Variants in GPR158 observed in about 807,000 individuals in gnomAD.
GPR158 encodes G protein-coupled receptor 158.
A neutral mutation model predicts 78.2 loss-of-function variants in GPR158; 30 were observed. The observed-to-expected ratio is 0.38, with a 90% CI of 0.29 to 0.52. The LOEUF (loss-of-function observed/expected upper bound fraction) is 0.52, where lower values mean the gene tolerates loss of function less well. GPR158 is among the 20% of genes least tolerant of loss of function. The pLI, the probability that GPR158 is intolerant of heterozygous loss-of-function variation, is 0.83. For missense variants in GPR158, 1,463 were observed against 1,523.5 expected, an observed-to-expected ratio of 0.96 and a Z score of 0.66; for synonymous variants, 581 against 591.1, an observed-to-expected ratio of 0.98 and a Z score of 0.25.
At chr10:25,374,764 A>G (rs1834052467) in intron 2 of GPR158, among the ~76,000 whole-genome samples, 1 of 151,760 alleles carries the variant, frequency 6.6e-6, no homozygotes, top group South Asian at 2.1e-4. Flanking sequence ...GTATTCCATA[A>G]TATGGATGTA....
At chr10:25,539,395 G>A (rs1216734221) in intron 5 of GPR158, among the ~76,000 whole-genome samples, 1 of 152,132 alleles carries the variant, frequency 6.6e-6, no homozygotes, top group Non-Finnish European at 1.5e-5. Flanking sequence ...AATGAGGCCT[G>A]TGGTGTTTTA....
chr10:25,556,282 C>T (rs1836785517), intron 6 of GPR158, among the ~76,000 whole-genome samples: 1 of 152,180 alleles, frequency 6.6e-6, no homozygotes, highest in South Asian at 2.1e-4. Context: ...ACCCAGCACA[C>T]AGGTGGATGC....
intron 2 of GPR158, among the ~76,000 whole-genome samples, chr10:25,360,911 ATTTG>A (rs1159792295): frequency 6.6e-6 from 1 of 151,800 alleles, no homozygotes; most frequent in African/African-American, 2.4e-5. Context: ...AGCTTTTTTC[ATTTG>A]TTTGTGTCCT....
intron 2 of GPR158, among the ~76,000 whole-genome samples, chr10:25,333,564 C>A (rs868350330): frequency 2.6e-5 from 4 of 152,072 alleles, no homozygotes; most frequent in African/African-American, 9.7e-5. Flanking sequence ...ACTGTAATGA[C>A]GCACTTGTCC....
At chr10:25,497,183 T>A (rs549071488) in intron 5 of GPR158, among the ~76,000 whole-genome samples, 1 of 152,302 alleles carries the variant, frequency 6.6e-6, no homozygotes, top group East Asian at 1.9e-4. Context: ...ATTTTGATTG[T>A]ATAACGGAAG....
intron 5 of GPR158, among the ~76,000 whole-genome samples, chr10:25,550,036 G>C (rs895716470): frequency 1.3e-5 from 2 of 152,108 alleles, no homozygotes; most frequent in African/African-American, 4.8e-5. Flanking sequence ...TCTTAGGCAG[G>C]GTCAAACCAA....
chr10:25,302,526 G>T (rs576218573), intron 2 of GPR158, among the ~76,000 whole-genome samples: 1 of 152,048 alleles, frequency 6.6e-6, no homozygotes, highest in Non-Finnish European at 1.5e-5. Context: ...GCTTTTCTAG[G>T]TAGGGTCTAG....
At chr10:25,313,065 A>G (rs1163496286) in intron 2 of GPR158, among the ~76,000 whole-genome samples, 3 of 151,842 alleles carry the variant, frequency 2.0e-5, no homozygotes, top group African/African-American at 7.3e-5. Context: ...TTATTAATAT[A>G]TTTTTCTTCT....
intron 6 of GPR158, among the ~76,000 whole-genome samples, chr10:25,572,224 A>G (rs948048534): frequency 1.6e-4 from 25 of 152,218 alleles, no homozygotes; most frequent in African/African-American, 5.5e-4. Context: ...ATATGAACCT[A>G]TTGACTCAAT....
At chr10:25,466,075 A>G (rs1835417360) in intron 4 of GPR158, 1 of 152,262 alleles carries the variant, frequency 6.6e-6, no homozygotes, top group South Asian at 2.1e-4. Context: ...ATTCTACAGG[A>G]CAGAAAAAGG....
intron 2 of GPR158, among the ~76,000 whole-genome samples, chr10:25,319,934 A>C (rs1173586892): frequency 6.6e-6 from 1 of 152,058 alleles, no homozygotes; most frequent in East Asian, 1.9e-4. Context: ...AGATAGCAAA[A>C]AGGTGGGCCT....
intron 2 of GPR158, among the ~76,000 whole-genome samples, chr10:25,357,598 C>A (rs1215419737): frequency 6.6e-6 from 1 of 152,102 alleles, no homozygotes; most frequent in African/African-American, 2.4e-5. Flanking sequence ...CAAGCCTTGG[C>A]AGTTTCTACG....
intron 4 of GPR158, among the ~76,000 whole-genome samples, chr10:25,419,932 A>G (rs563793268): frequency 1.1e-3 from 168 of 152,274 alleles, no homozygotes; most frequent in African/African-American, 3.9e-3. Context: ...CCATGATTAT[A>G]TTATCATGCA....
intron 4 of GPR158, among the ~76,000 whole-genome samples, chr10:25,414,752 T>C (rs1834636488): frequency 6.6e-6 from 1 of 152,108 alleles, no homozygotes; most frequent in Non-Finnish European, 1.5e-5. Flanking sequence ...TCTTTCGGAG[T>C]TTCCTATTAC....
chr10:25,344,411 T>TG (rs1415537412), intron 2 of GPR158, among the ~76,000 whole-genome samples: 9 of 151,908 alleles, frequency 5.9e-5, no homozygotes, highest in East Asian at 3.9e-4. Flanking sequence ...ACTTAACACT[T>TG]AAAATCTACT....
chr10:25,517,224 A>C (rs897599121), intron 5 of GPR158, among the ~76,000 whole-genome samples: 77 of 149,498 alleles, frequency 5.2e-4, no homozygotes, highest in Non-Finnish European at 7.5e-4. Context: ...TTGATTTTGT[A>C]TCCTGAGACT....
intron 2 of GPR158, among the ~76,000 whole-genome samples, chr10:25,354,744 T>C (rs1040392141): frequency 2.0e-5 from 3 of 152,106 alleles, no homozygotes; most frequent in East Asian, 1.9e-4. Context: ...GAAAGACAGT[T>C]CTCATGGTGG....
At chr10:25,299,539 AG>A in intron 2 of GPR158, among the ~76,000 whole-genome samples, 1 of 152,172 alleles carries the variant, frequency 6.6e-6, no homozygotes, top group East Asian at 1.9e-4. Flanking sequence ...AATATCCTTT[AG>A]GTTCCTCCAT....
In GPR158 at chr10:25,360,317, C is replaced by G. The variant is rs552406181; in HGVS notation, c.1009-35594C>G. Among the ~76,000 whole-genome samples, 10 of 151,984 alleles carry G rather than the reference C, an allele frequency of 6.6e-5. No individual in the cohort carries two copies. The South Asian group carries it at 1.2e-3, about 19-fold the overall frequency. Reference sequence around the variant, plus strand: ...TGCTTTTGGTGTTTTAGTCATGAAGCCTTTGCCCATGCCTATGTCCTGAAT... The same window carrying G: ...TGCTTTTGGTGTTTTAGTCATGAAGGCTTTGCCCATGCCTATGTCCTGAAT... On this transcript the variant is annotated intron_variant, in intron 2 of 10. Transcript: ENST00000376351.
Sources: allele counts gnomAD v4.1 joint callset (sites outside exome capture counted in the v4.1 genomes callset), GRCh38; gene constraint gnomAD v4.1.1; transcripts MANE v1.5; gene names NCBI Gene and HGNC (gene_info 2026-07-23, HGNC 2026-07-21).